TMEM108: variants seen among roughly 807,000 people sequenced by gnomAD.
The protein encoded by TMEM108 is cancer/testis antigen 124.
A neutral mutation model predicts 35.1 loss-of-function variants in TMEM108; 12 were observed. That is an observed-to-expected ratio of 0.34 (90% CI 0.22 to 0.55). TMEM108 has a LOEUF of 0.55. Ranked by LOEUF, TMEM108 falls within the 20% of genes least tolerant of loss-of-function variation. The probability of loss-of-function intolerance (pLI) is 0.89; values close to 1 mark genes in which losing one functional copy is unlikely to be tolerated. For synonymous variants in TMEM108, 287 were observed against 308.6 expected, an observed-to-expected ratio of 0.93 and a Z score of 0.73; for missense variants, 680 against 753.3, an observed-to-expected ratio of 0.90 and a Z score of 1.14.
intron 2 of TMEM108, among the ~76,000 whole-genome samples, chr3:133,118,047 TG>T (rs1944308796): frequency 6.6e-6 from 1 of 152,136 alleles, no homozygotes; most frequent in Admixed American, 6.5e-5. Flanking sequence ...TGTCTGGTTT[TG>T]GGGAGTTGGT....
chr3:133,344,706 G>A (rs1403839504), intron 3 of TMEM108, among the ~76,000 whole-genome samples: 1 of 151,676 alleles, frequency 6.6e-6, no homozygotes, highest in Non-Finnish European at 1.5e-5. Flanking sequence ...AGTCTAGTAA[G>A]GGAAAATGTG....
At chr3:133,038,742 G>A (rs1943237065) in intron 1 of TMEM108, among the ~76,000 whole-genome samples, 1 of 152,210 alleles carries the variant, frequency 6.6e-6, no homozygotes, top group Non-Finnish European at 1.5e-5. Context: ...GAGGGTGCGG[G>A]TGATGGGGCG....
chr3:133,108,756 A>T (rs1476935108), intron 2 of TMEM108, among the ~76,000 whole-genome samples: 1 of 148,460 alleles, frequency 6.7e-6, no homozygotes, highest in Non-Finnish European at 1.5e-5. Flanking sequence ...CAAACACCGC[A>T]TGTTCTCACT....
At chr3:133,078,735 A>C (rs1256635070) in intron 2 of TMEM108, among the ~76,000 whole-genome samples, 1 of 152,232 alleles carries the variant, frequency 6.6e-6, no homozygotes, top group Non-Finnish European at 1.5e-5. Flanking sequence ...TGCACAAAAT[A>C]CCAAATTATT....
At chr3:133,243,535 G>C (rs1258823889) in intron 3 of TMEM108, among the ~76,000 whole-genome samples, 6 of 126,248 alleles carry the variant, frequency 4.8e-5, no homozygotes, top group Admixed American at 9.0e-5. Context: ...GGCGGGGGGT[G>C]GGGGGGACGG....
chr3:133,300,684 G>A (rs1272601852), intron 3 of TMEM108, among the ~76,000 whole-genome samples: 1 of 152,020 alleles, frequency 6.6e-6, no homozygotes, highest in African/African-American at 2.4e-5. Flanking sequence ...ATTTTAGTGG[G>A]CTCTGGGCTA....
In TMEM108 at chr3:133,212,013, A is replaced by G. The variant is rs1221257088; in HGVS notation, c.-46-17253A>G. 3.3e-5 allele frequency among the ~76,000 whole-genome samples: 5 copies of G among 152,266 alleles called. No individual in the cohort carries two copies. In the East Asian group the frequency reaches 9.6e-4, roughly 29 times the overall value. ...GGTGGGATTTTTTTCCCCCTTGAAAATATCCTGAGTGATAGCCTAGACTCC... is the reference window on the plus strand; with the variant it reads ...GGTGGGATTTTTTTCCCCCTTGAAAGTATCCTGAGTGATAGCCTAGACTCC... On this transcript the variant is annotated intron_variant, in intron 2 of 5. Transcript: ENST00000321871.
intron 2 of TMEM108, among the ~76,000 whole-genome samples, chr3:133,212,457 G>A (rs1165599271): frequency 2.0e-5 from 3 of 152,176 alleles, no homozygotes; most frequent in African/African-American, 4.8e-5. Context: ...CAAAGTGACA[G>A]TTATTGTAAT....
intron 3 of TMEM108, among the ~76,000 whole-genome samples, chr3:133,243,485 A>G (rs1024976920): frequency 1.4e-5 from 2 of 138,090 alleles, no homozygotes; most frequent in African/African-American, 5.4e-5. Context: ...TCACACTAAA[A>G]TTGGTCTGAT....
At chr3:133,065,853 G>A (rs1393988540) in intron 2 of TMEM108, among the ~76,000 whole-genome samples, 1 of 152,080 alleles carries the variant, frequency 6.6e-6, no homozygotes, top group East Asian at 1.9e-4. Flanking sequence ...CAGTATAATC[G>A]TTGGGTTATT....
chr3:133,189,363 T>C (rs76679716), intron 2 of TMEM108, among the ~76,000 whole-genome samples: 2,611 of 152,282 alleles, frequency 0.017, 98 homozygotes, highest in African/African-American at 0.059. Context: ...CTTTAAATCA[T>C]CGTATTTTTA....
chr3:133,265,159 A>G (rs1416737280), intron 3 of TMEM108, among the ~76,000 whole-genome samples: 2 of 152,232 alleles, frequency 1.3e-5, no homozygotes, highest in African/African-American at 4.8e-5. Context: ...GATGGATCCG[A>G]TTAGCATAGA....
At chr3:133,066,986 C>A (rs554256272) in intron 2 of TMEM108, among the ~76,000 whole-genome samples, 4 of 152,188 alleles carry the variant, frequency 2.6e-5, no homozygotes, top group African/African-American at 9.6e-5. Flanking sequence ...GAAATTTGTA[C>A]CTATAGTTCA....
At chr3:133,255,150 C>T (rs754601845) in intron 3 of TMEM108, among the ~76,000 whole-genome samples, 8 of 152,128 alleles carry the variant, frequency 5.3e-5, no homozygotes, top group Non-Finnish European at 1.0e-4. Context: ...CATGGCCTAG[C>T]CAGGCTTGAG....
At chr3:133,288,177 G>C (rs1266329578) in intron 3 of TMEM108, among the ~76,000 whole-genome samples, 1 of 152,140 alleles carries the variant, frequency 6.6e-6, no homozygotes, top group East Asian at 1.9e-4. Context: ...AATCAAATGT[G>C]TATGCAGGAC....
intron 3 of TMEM108, among the ~76,000 whole-genome samples, chr3:133,356,259 T>C (rs1220018191): frequency 2.7e-5 from 3 of 113,092 alleles, no homozygotes; most frequent in Non-Finnish European, 4.2e-5. Flanking sequence ...GGAATATACT[T>C]AACCAAGGAG....
intron 2 of TMEM108, among the ~76,000 whole-genome samples, chr3:133,089,885 A>G (rs1943927882): frequency 1.3e-5 from 2 of 152,228 alleles, no homozygotes; most frequent in African/African-American, 4.8e-5. Flanking sequence ...AGTTCAATTA[A>G]ATGTCAATTT....
At chr3:133,107,211 A>G (rs950228113) in intron 2 of TMEM108, among the ~76,000 whole-genome samples, 2 of 152,164 alleles carry the variant, frequency 1.3e-5, no homozygotes, top group Non-Finnish European at 2.9e-5. Flanking sequence ...AGGAGTCACT[A>G]AGAAATTAAA....
chr3:133,156,621 C>T (rs1405449234), intron 2 of TMEM108, among the ~76,000 whole-genome samples: 2 of 152,118 alleles, frequency 1.3e-5, no homozygotes, highest in Admixed American at 6.5e-5. Context: ...GAGTAGAAAT[C>T]GAATGAGATA....
Sources: gnomAD v4.1 joint callset for allele counts (sites outside exome capture counted in the v4.1 genomes callset) on GRCh38, gnomAD v4.1.1 for gene constraint, MANE v1.5 for transcripts, NCBI Gene and HGNC (gene_info 2026-07-23, HGNC 2026-07-21) for gene names.